Variants in GALNT18 observed in about 807,000 individuals in gnomAD.
GALNT18 encodes polypeptide N-acetylgalactosaminyltransferase 18.
In GALNT18, 44 loss-of-function variants were observed where a neutral mutation model predicts 69.5. The observed-to-expected ratio is 0.63, with a 90% CI of 0.50 to 0.81. The LOEUF (loss-of-function observed/expected upper bound fraction) is 0.81. GALNT18 is among the 40% of genes least tolerant of loss of function. The pLI is 0.00. For missense variants in GALNT18, 715 were observed against 810.0 expected (o/e 0.88, Z 1.42); for synonymous variants, 364 against 318.2 (o/e 1.14, Z -1.53).
chr11:11,544,826 C>T lies in GALNT18; in HGVS notation c.235+76533G>A, dbSNP rs547457678. Among the ~76,000 whole-genome samples the T allele has an allele frequency of 2.0e-5, 3 of 152,310 alleles. No individual in the cohort carries two copies. The South Asian group carries it at 6.2e-4, about 32-fold the overall frequency. Reference sequence around the variant, plus strand: ...CACACTCAGAAACACTGGTCTGGTGCTATGGAAGAAATCTATTACTTTGCT... The same window carrying T: ...CACACTCAGAAACACTGGTCTGGTGTTATGGAAGAAATCTATTACTTTGCT... On this transcript the variant is annotated intron_variant, in intron 1 of 10. Coordinates refer to ENST00000227756, the MANE Select transcript of GALNT18 (RefSeq NM_198516.3).
rs533025723 is a variant in GALNT18, at chr11:11,301,214, A to T, written c.1513-8021T>A. Among the ~76,000 whole-genome samples the T allele has an allele frequency of 3.9e-5, 6 of 152,338 alleles. No homozygotes were observed. The South Asian group carries it at 8.3e-4, about 21-fold the overall frequency. On this transcript the variant is annotated intron_variant, in intron 9 of 10. Transcript: ENST00000227756. The stretch of plus-strand genomic sequence containing the variant: ...GAGTCATGGAAACAGGCAGGGTGCC[A>T]GACACAGAGGGCGGGAAGAAGGAAG...
In GALNT18 at chr11:11,387,255, T is replaced by C. The variant is rs901324011; in HGVS notation, c.596-7991A>G. On this transcript the variant is annotated intron_variant, in intron 3 of 10. Transcript: ENST00000227756. The surrounding 1 kb of genome is among the most constrained non-coding windows in gnomAD (Gnocchi z 4.6). ...TGCTTTTCGTTTCTCTACTTGGCCA[T>C]CTTTGGGTCTGATGTTTTGGACTGT... 2.0e-5 allele frequency among the ~76,000 whole-genome samples: 3 copies of C among 152,168 alleles called. No individual in the cohort carries two copies. Among genetic ancestry groups the C allele is most frequent in the African/African-American group, 7.2e-5 (3 of 41,428 alleles).
Position 11,377,288 on chromosome 11 carries a change from C to T in GALNT18, c.871G>A (p.Glu291Lys). The T allele has an allele frequency of 6.2e-7, 1 of 1,614,002 alleles. No individual in the cohort carries two copies. Among genetic ancestry groups the T allele is most frequent in the Non-Finnish European group, 8.5e-7 (1 of 1,180,000 alleles). The change falls in exon 5 of 11, where the codon GAA becomes AAA. Residue 291 changes from glutamate (E) to lysine (K), a missense_variant. Transcript: ENST00000227756. The surrounding 1 kb of genome is among the most constrained non-coding windows in gnomAD (Gnocchi z 4.6). ...CCCTGGGCAGCCAGCGGGTACTCTT[C>T]TATCTCAAAGTTGTCATATTTGATG... ...DNIKYDNFEIEEYPLAAQGFD... is the reference protein window; with the variant it reads ...DNIKYDNFEIKEYPLAAQGFD...
chr11:11,310,144 C>G (rs181691152), intron 9 of GALNT18, among the ~76,000 whole-genome samples: 60 of 152,320 alleles, frequency 3.9e-4, no homozygotes, highest in South Asian at 1.9e-3. Flanking sequence ...GAGGTTTTCT[C>G]ACTGCCATGT....
Position 11,297,639 on chromosome 11 carries a change from C to G in GALNT18, c.1513-4446G>C, listed in dbSNP as rs1352246246. ...GACAGTACCAGAGAGCTGGAGGAGCCTAGAATAAAAGATGCTACAAAGTTC... is the reference window on the plus strand; with the variant it reads ...GACAGTACCAGAGAGCTGGAGGAGCGTAGAATAAAAGATGCTACAAAGTTC... On this transcript the variant is annotated intron_variant, in intron 9 of 10. Coordinates refer to ENST00000227756, the MANE Select transcript of GALNT18 (RefSeq NM_198516.3). Among the ~76,000 whole-genome samples the G allele has an allele frequency of 3.9e-5, 6 of 152,164 alleles. No individual in the cohort carries two copies. In the South Asian group the frequency reaches 1.2e-3, roughly 32 times the overall value.
rs1347056324 is a variant in GALNT18, at chr11:11,332,872, G to T, written c.1279-41C>A. The T allele has an allele frequency of 6.2e-7, 1 of 1,603,656 alleles. No homozygotes were observed. Among genetic ancestry groups the T allele is most frequent in the Non-Finnish European group, 8.5e-7 (1 of 1,177,516 alleles). On this transcript the variant is annotated intron_variant, in intron 7 of 10. Transcript: ENST00000227756. The surrounding 1 kb of genome is among the most constrained non-coding windows in gnomAD (Gnocchi z 4.3). ...GAAGCAGAGATGAAGCCACTCCCAG[G>T]TTGCAGCTTCTCCCCAAACTCTACT...
Position 11,411,732 on chromosome 11 carries a change from G to A in GALNT18, c.595+20889C>T, listed in dbSNP as rs139674909. Among the ~76,000 whole-genome samples, 11 of 152,342 alleles carry A rather than the reference G, an allele frequency of 7.2e-5. No homozygotes were observed. The East Asian group carries it at 2.1e-3, about 29-fold the overall frequency. On this transcript the variant is annotated intron_variant, in intron 3 of 10. Transcript: ENST00000227756. ...TAAATAAACACTTTGCCGAGGAAGG[G>A]CCCTTGAGGAATCCTGGCCAGCAAG...
At chr11:11,419,619 A>AAAAAAAAAAAAAAAAAAAAG (rs1554932034) in intron 3 of GALNT18, among the ~76,000 whole-genome samples, 1 of 128,356 alleles carries the variant, frequency 7.8e-6, no homozygotes, top group African/African-American at 2.8e-5. Flanking sequence ...AAAAAAAAAA[A>AAAAAAAAAAAAAAAAAAAAG]AAAGAAAGAA....
chr11:11,277,710 T>TAAAC (rs1848980247), intron 10 of GALNT18, among the ~76,000 whole-genome samples: 1 of 152,362 alleles, frequency 6.6e-6, no homozygotes, highest in South Asian at 2.1e-4. Flanking sequence ...GTCTTTGTTC[T>TAAAC]CATTGGTTTC....
intron 2 of GALNT18, among the ~76,000 whole-genome samples, chr11:11,433,905 G>T (rs149995154): frequency 1.3e-5 from 2 of 152,178 alleles, no homozygotes; most frequent in Non-Finnish European, 1.5e-5. Flanking sequence ...AGGCTCCAGG[G>T]CGTTAGGGCT....
chr11:11,354,060 C>T (rs1850475708), intron 6 of GALNT18, among the ~76,000 whole-genome samples: 1 of 152,292 alleles, frequency 6.6e-6, no homozygotes, highest in East Asian at 1.9e-4. Context: ...AAGAGCTTCC[C>T]CTCTTAATCA....
intron 6 of GALNT18, among the ~76,000 whole-genome samples, chr11:11,355,306 C>A (rs1850507314): frequency 1.3e-5 from 2 of 152,140 alleles, no homozygotes; most frequent in Non-Finnish European, 2.9e-5. Flanking sequence ...TTTTCTGTTA[C>A]AGCACTCCCT....
chr11:11,373,914 G>A (rs545888654), intron 5 of GALNT18, among the ~76,000 whole-genome samples: 2 of 152,324 alleles, frequency 1.3e-5, no homozygotes, highest in East Asian at 3.9e-4. Context: ...GCTCCTCAGG[G>A]ATGAGAAAAC....
Position 11,379,116 on chromosome 11 carries a change from T to A in GALNT18, c.744A>T (p.Ala248=). The part of the protein sequence containing the change: ...GWRAATAPVV[A]LFDAHVEFNV... ...TGAACTCCACGTGGGCATCAAAGAG[T>A]GCCACCACAGGGGCAGTGGCCGCCC... Residue 248 remains alanine, a synonymous_variant, in exon 4 of 11, where the codon GCA becomes GCT. Transcript: ENST00000227756. 1 of 1,609,424 alleles carries A rather than the reference T, an allele frequency of 6.2e-7. No homozygotes were observed. The highest frequency in any genetic ancestry group is 1.3e-5 in the African/African-American group (1 of 74,872).
chr11:11,368,034 C>G (rs959068462), intron 6 of GALNT18, among the ~76,000 whole-genome samples: 1 of 152,132 alleles, frequency 6.6e-6, no homozygotes, highest in East Asian at 1.9e-4. Flanking sequence ...GTAACCTATT[C>G]CGTAGTCTTT....
At chr11:11,311,480 G>C (rs918928873) in intron 9 of GALNT18, among the ~76,000 whole-genome samples, 108 of 152,208 alleles carry the variant, frequency 7.1e-4, no homozygotes, top group African/African-American at 2.5e-3. Flanking sequence ...GGAAGTGTTA[G>C]TGAAAGCAGC....
At position 11,528,655 on chromosome 11, in the gene GALNT18, A is replaced by T. The variant is rs577672960; in HGVS notation, c.236-79719T>A. Among the ~76,000 whole-genome samples, 2 of 152,342 alleles carry T rather than the reference A, an allele frequency of 1.3e-5. 1 individual carries two copies. The highest frequency in any genetic ancestry group is 4.1e-4 in the South Asian group (2 of 4,828). ...TGGGCTATGCGGGGCAAGACTGAGA[A>T]CAAGGGAACCACCAAGGAGGTAGAT... On this transcript the variant is annotated intron_variant, in intron 1 of 10. Coordinates refer to ENST00000227756, the MANE Select transcript of GALNT18 (RefSeq NM_198516.3).
At chr11:11,474,766 C>G (rs938173871) in intron 1 of GALNT18, among the ~76,000 whole-genome samples, 23 of 152,172 alleles carry the variant, frequency 1.5e-4, no homozygotes, top group African/African-American at 5.3e-4. Flanking sequence ...TGCAGAGGCT[C>G]CTAACCATGG....
chr11:11,297,506 C>A (rs896517178), intron 9 of GALNT18, among the ~76,000 whole-genome samples: 2 of 152,176 alleles, frequency 1.3e-5, no homozygotes, highest in Non-Finnish European at 2.9e-5. Flanking sequence ...CCCTTGCCCA[C>A]CTCCCTGGGG....
Sources: allele counts gnomAD v4.1 joint callset (sites outside exome capture counted in the v4.1 genomes callset), GRCh38; gene constraint gnomAD v4.1.1; non-coding constraint Gnocchi (gnomAD v3.1); transcripts MANE v1.5; gene names NCBI Gene and HGNC (gene_info 2026-07-23, HGNC 2026-07-21).